The following GREB1 variants were observed in gnomAD, a reference collection of about 807,000 sequenced individuals.
GREB1 encodes the protein protein GREB1.
A neutral mutation model predicts 200.7 loss-of-function variants in GREB1; 106 were observed. The observed-to-expected ratio is 0.53, with a 90% CI of 0.45 to 0.62. The LOEUF is 0.62. GREB1 is among the 20% of genes least tolerant of loss of function. GREB1 has a pLI of 0.00. For synonymous variants in GREB1, 1,132 were observed against 1,092.4 expected (o/e 1.04, Z -0.72); for missense variants, 2,243 against 2,556.8 (o/e 0.88, Z 2.65).
intron 1 of GREB1, among the ~76,000 whole-genome samples, chr2:11,514,065 A>G (rs1673422241): frequency 6.6e-6 from 1 of 152,198 alleles, no homozygotes; most frequent in Non-Finnish European, 1.5e-5. Flanking sequence ...GGATGGGTGG[A>G]GAAGGAATAT....
chr2:11,570,151 G>A (rs1678115219), intron 4 of GREB1, among the ~76,000 whole-genome samples: 2 of 152,168 alleles, frequency 1.3e-5, no homozygotes, highest in South Asian at 2.1e-4. Flanking sequence ...GCTCATGCCT[G>A]TAATCCCAGT....
chr2:11,485,849 A>T (rs557571276), intron 1 of GREB1, among the ~76,000 whole-genome samples: 2 of 152,316 alleles, frequency 1.3e-5, no homozygotes, highest in Admixed American at 1.3e-4. Context: ...GAGTGTTCTG[A>T]GGCTATTTCA....
intron 4 of GREB1, among the ~76,000 whole-genome samples, chr2:11,569,320 G>C (rs758563809): frequency 6.6e-6 from 1 of 151,842 alleles, no homozygotes; most frequent in Admixed American, 6.6e-5. Flanking sequence ...CTTCAGTTAC[G>C]TCTAGGGGCT....
chr2:11,509,309 C>A (rs1673284478), intron 1 of GREB1, among the ~76,000 whole-genome samples: 1 of 152,028 alleles, frequency 6.6e-6, no homozygotes, highest in Non-Finnish European at 1.5e-5. Context: ...TTTTTATGAG[C>A]CCCCATATAT....
Position 11,612,555 on chromosome 2 carries a change from C to A in GREB1, c.3067C>A (p.Leu1023Met). 6.2e-7 allele frequency: 1 copy of A among 1,613,040 alleles called. No individual in the cohort carries two copies. The highest frequency in any genetic ancestry group is 1.1e-5 in the South Asian group (1 of 91,022). Residue 1023 changes from leucine (L) to methionine (M), a missense_variant, in exon 19 of 33, where the codon CTG becomes ATG. Leu to Met is a conservative substitution (Grantham distance 15, BLOSUM62 2). Coordinates refer to ENST00000381486, the MANE Select transcript of GREB1 (RefSeq NM_014668.4). The part of the protein sequence containing the change: ...RPQTYLELEG[L>M]PCILIFSGMD... ...CCAGACTTACTTGGAGCTGGAGGGT[C>A]TGCCTTGCATCCTGATCTTCAGTGG...
At chr2:11,600,021 G>A (rs902188789) in intron 15 of GREB1, among the ~76,000 whole-genome samples, 1 of 152,208 alleles carries the variant, frequency 6.6e-6, no homozygotes, top group Admixed American at 6.5e-5. Flanking sequence ...GGGCTCCTGG[G>A]CCAGGTCGTG....
At chr2:11,528,628 A>C (rs576433258) in intron 1 of GREB1, among the ~76,000 whole-genome samples, 2 of 152,184 alleles carry the variant, frequency 1.3e-5, no homozygotes, top group African/African-American at 2.4e-5. Context: ...CAGCCTCCCA[A>C]GTAGAATATT....
In GREB1 at chr2:11,496,182, C is replaced by T. The variant is rs146740155; in HGVS notation, c.-159+13801C>T. Among the ~76,000 whole-genome samples, 32 of 152,220 alleles carry T rather than the reference C, an allele frequency of 2.1e-4. No individual in the cohort carries two copies. In the East Asian group the frequency reaches 6.0e-3, roughly 29 times the overall value. On this transcript the variant is annotated intron_variant, in intron 1 of 2. Coordinates refer to the GREB1 transcript ENST00000628795. Reference sequence around the variant, plus strand: ...TCCCAGAAAGTCGACCTCCTGTGCTCGCTCTGTGGAGATCAGGCACCGGCC... The same window carrying T: ...TCCCAGAAAGTCGACCTCCTGTGCTTGCTCTGTGGAGATCAGGCACCGGCC...
upstream of GREB1, among the ~76,000 whole-genome samples, chr2:11,532,569 G>T (rs1453070225): frequency 6.6e-6 from 1 of 152,186 alleles, no homozygotes; most frequent in Non-Finnish European, 1.5e-5. Flanking sequence ...AAATACTTCT[G>T]ATTGCCGCAG....
intron 19 of GREB1, among the ~76,000 whole-genome samples, chr2:11,614,124 G>GTTTTT (rs1558636075): frequency 4.5e-5 from 6 of 133,398 alleles, no homozygotes; most frequent in Admixed American, 7.3e-5. Context: ...AGCGGACTTA[G>GTTTTT]ATTTTTTTTT....
intron 24 of GREB1, among the ~76,000 whole-genome samples, chr2:11,625,651 C>G (rs1338690665): frequency 3.3e-5 from 5 of 152,188 alleles, no homozygotes; most frequent in Non-Finnish European, 7.3e-5. Context: ...GTGTTCACCT[C>G]TCCTCCCCCG....
In GREB1 at chr2:11,552,969, C is replaced by T. The variant is rs554799756; in HGVS notation, c.-161-3485C>T. On this transcript the variant is annotated intron_variant, in intron 1 of 32. Transcript: ENST00000381486. Reference sequence around the variant, plus strand: ...AGCTTGCAGTGAGTCGAGATCGCGCCACTGCACTCCAGCCTGGGCGACAGA... The same window carrying T: ...AGCTTGCAGTGAGTCGAGATCGCGCTACTGCACTCCAGCCTGGGCGACAGA... Among the ~76,000 whole-genome samples the T allele has an allele frequency of 1.9e-4, 27 of 143,780 alleles. No individual in the cohort carries two copies. In the East Asian group the frequency reaches 5.5e-3, roughly 29 times the overall value. The allele number at this position is 143,780 out of a possible 152,430, so 94.3% of individuals were successfully genotyped here.
upstream of GREB1, among the ~76,000 whole-genome samples, chr2:11,533,000 C>T (rs1674132842): frequency 6.6e-6 from 1 of 152,120 alleles, no homozygotes; most frequent in South Asian, 2.1e-4. Context: ...GTCACATAGC[C>T]AGTAGATACC....
In GREB1 at chr2:11,635,470, G is replaced by A. The variant is rs1685237739; in HGVS notation, c.5346+65G>A. On this transcript the variant is annotated intron_variant, in intron 30 of 32. Coordinates refer to ENST00000381486, the MANE Select transcript of GREB1 (RefSeq NM_014668.4). The stretch of plus-strand genomic sequence containing the variant: ...CCTGGGCCGCCCTGGCACACACACT[G>A]AGGGTAGGAGCCATTGAGGGAGGCC... The A allele has an allele frequency of 2.0e-6, 3 of 1,529,510 alleles. No homozygotes were observed. The African/African-American group carries it at 4.1e-5, about 21-fold the overall frequency. 94.7% of individuals were successfully genotyped at this position (1,529,510 alleles called of 1,614,324 possible).
At chr2:11,571,181 T>TTA in intron 4 of GREB1, among the ~76,000 whole-genome samples, 1 of 152,236 alleles carries the variant, frequency 6.6e-6, no homozygotes, top group African/African-American at 2.4e-5. Context: ...AAAGATGATC[T>TTA]TATTTTTGTC....
intron 1 of GREB1, among the ~76,000 whole-genome samples, chr2:11,524,631 T>C (rs1218768116): frequency 6.6e-6 from 1 of 152,234 alleles, no homozygotes; most frequent in Non-Finnish European, 1.5e-5. Flanking sequence ...TGGGACATAT[T>C]TGGCCTTGCT....
Position 11,578,422 on chromosome 2 carries a change from C to T in GREB1, c.763C>T (p.Gln255Ter), listed in dbSNP as rs759626314. 6.2e-7 allele frequency: 1 copy of T among 1,613,834 alleles called. No individual in the cohort carries two copies. The highest frequency in any genetic ancestry group is 1.1e-5 in the South Asian group (1 of 91,078). Residue 255 changes from glutamine (Q) to a stop codon, truncating the protein, a stop_gained, in exon 6 of 33, where the codon CAG becomes TAG. Coordinates refer to ENST00000381486, the MANE Select transcript of GREB1 (RefSeq NM_014668.4). LOFTEE classifies it high-confidence loss of function. ...GTNPSILMGA[Q>*]QAGPASDHPS... ...GAACCCCAGCATCCTGATGGGAGCT[C>T]AGCAGGCAGGTGAGGTGGTGGAGAC...
rs1191421440 is a variant in GREB1 at position 11,580,978 on chromosome 2, G to A, written c.901+146G>A. On this transcript the variant is annotated intron_variant, in intron 7 of 32. Coordinates refer to ENST00000381486, the MANE Select transcript of GREB1 (RefSeq NM_014668.4). This position sits in a 1 kb window ranked among gnomAD's most constrained non-coding sequence, Gnocchi z 4.5. The stretch of plus-strand genomic sequence containing the variant: ...TGAGAGTCAGGCCAGGACCACAGGT[G>A]CCTCCTGAGTCCGTGGGTCTGGGCC... 2.1e-6 allele frequency: 2 copies of A among 975,346 alleles called. No homozygotes were observed. Among genetic ancestry groups the A allele is most frequent in the African/African-American group, 1.6e-5 (1 of 62,374 alleles). 60.4% of individuals were successfully genotyped at this position (975,346 alleles called of 1,614,324 possible).
At chr2:11,547,134 G>T (rs1237603373) in intron 1 of GREB1, among the ~76,000 whole-genome samples, 1 of 151,748 alleles carries the variant, frequency 6.6e-6, no homozygotes, top group African/African-American at 2.4e-5. Context: ...GTACAGATGG[G>T]GTTTCACCAT....
Sources: gnomAD v4.1 joint callset for allele counts (sites outside exome capture counted in the v4.1 genomes callset) on GRCh38, gnomAD v4.1.1 for gene constraint, Gnocchi (gnomAD v3.1) non-coding constraint, MANE v1.5 for transcripts, NCBI Gene and HGNC (gene_info 2026-07-23, HGNC 2026-07-21) for gene names.